The following DNAH7 variants were observed in gnomAD, a reference collection of about 807,000 sequenced individuals.
DNAH7 encodes the protein dynein axonemal heavy chain 7.
Under a neutral mutation model 444.6 loss-of-function variants are expected in DNAH7, and 397 were observed. The ratio of observed to expected loss-of-function variants is 0.89; its 90% CI spans 0.82 to 0.97. The LOEUF (loss-of-function observed/expected upper bound fraction) is 0.97, where lower values mean the gene tolerates loss of function less well. Ranked by LOEUF, DNAH7 falls within the 50% of genes least tolerant of loss-of-function variation. DNAH7 has a pLI of 0.00. For missense variants in DNAH7, 4,902 were observed against 4,800.8 expected (o/e 1.02, Z -0.62); for synonymous variants, 1,636 against 1,624.4 (o/e 1.01, Z -0.17).
At chr2:195,915,922 A>C (rs1687646478) in intron 24 of DNAH7, among the ~76,000 whole-genome samples, 2 of 152,236 alleles carry the variant, frequency 1.3e-5, no homozygotes, top group Non-Finnish European at 2.9e-5. Context: ...CCACTTATAA[A>C]CTAATAGTTT....
rs557474924 is a variant in DNAH7 at position 195,768,622 on chromosome 2, C to T, written c.11433+3038G>A. On this transcript the variant is annotated intron_variant, in intron 61 of 64. Transcript: ENST00000312428. ...TACCAAGTTGTACTTCAAAGAGGTT[C>T]AACAATTTACATTTCCAATAACACA... 1.9e-4 allele frequency among the ~76,000 whole-genome samples: 29 copies of T among 152,108 alleles called. No individual in the cohort carries two copies. In the South Asian group the frequency reaches 5.4e-3, roughly 28 times the overall value.
At chr2:195,823,013 C>T (rs1326706331) in intron 49 of DNAH7, among the ~76,000 whole-genome samples, 1 of 152,142 alleles carries the variant, frequency 6.6e-6, no homozygotes, top group East Asian at 1.9e-4. Flanking sequence ...TTATTATTCT[C>T]ATTTGACAGA....
At chr2:195,965,332 G>A (rs1045680696) in intron 17 of DNAH7, among the ~76,000 whole-genome samples, 1 of 152,162 alleles carries the variant, frequency 6.6e-6, no homozygotes, top group African/African-American at 2.4e-5. Context: ...TGATCATGAT[G>A]AATGATGTTT....
chr2:195,867,395 C>T (rs573245887), intron 40 of DNAH7, among the ~76,000 whole-genome samples: 3 of 152,138 alleles, frequency 2.0e-5, no homozygotes, highest in Non-Finnish European at 4.4e-5. Context: ...GTAATTTGTG[C>T]TTTGAATTTA....
rs527730330 is a variant in DNAH7, at chr2:195,960,690, A to G, written c.2461T>C (p.Leu821=). The part of the protein sequence containing the change: ...EKTFHDSPYA[L]AMTKKVRSKV... Reference sequence around the variant, plus strand: ...GATCTTACTTTTTTTGTCATTGCCAATGCATATGGAGAATCATGAAAGGTT... The same window carrying G: ...GATCTTACTTTTTTTGTCATTGCCAGTGCATATGGAGAATCATGAAAGGTT... Residue 821 remains leucine (L), a synonymous_variant, in exon 18 of 65, where the codon TTG becomes CTG. Coordinates refer to ENST00000312428, the MANE Select transcript of DNAH7 (RefSeq NM_018897.3). 1.2e-5 allele frequency: 20 copies of G among 1,614,186 alleles called. No individual in the cohort carries two copies. Among genetic ancestry groups the G allele is most frequent in the South Asian group, 7.7e-5 (7 of 91,078 alleles).
chr2:195,936,647 G>A lies in DNAH7; in HGVS notation c.3224C>T (p.Ser1075Phe), dbSNP rs1689071529. 3 of 1,605,454 alleles carry A rather than the reference G, an allele frequency of 1.9e-6. No homozygotes were observed. Among genetic ancestry groups the A allele is most frequent in the Non-Finnish European group, 2.5e-6 (3 of 1,177,414 alleles). Residue 1075 changes from serine to phenylalanine, a missense_variant, in exon 20 of 65, where the codon TCC becomes TTC. By Grantham distance (155) the Ser-to-Phe change is radical (BLOSUM62 -2). Coordinates refer to ENST00000312428, the MANE Select transcript of DNAH7 (RefSeq NM_018897.3). The stretch of plus-strand genomic sequence containing the variant: ...TAGTATCTCAAGAAGTTCATCATTG[G>A]ACAAAAAAAAGAATCTGGGGAAAAA... Reference protein sequence around the residue: ...RLFFPRFFFLSNDELLEILSE... With the variant: ...RLFFPRFFFLFNDELLEILSE...
chr2:195,767,053 CTTTAT>C (rs528937433), intron 61 of DNAH7, among the ~76,000 whole-genome samples: 3 of 151,784 alleles, frequency 2.0e-5, no homozygotes, highest in African/African-American at 4.8e-5. Flanking sequence ...ATTAATTTGT[CTTTAT>C]TTTATTATGC....
intron 20 of DNAH7, among the ~76,000 whole-genome samples, chr2:195,935,937 AAG>A (rs1689019794): frequency 1.3e-5 from 2 of 152,184 alleles, no homozygotes; most frequent in South Asian, 4.1e-4. Flanking sequence ...AGTGAGCAAG[AAG>A]ACTAGTAGGA....
chr2:196,013,051 C>A, intron 9 of DNAH7, 145 bp from the exon 10 acceptor site: 1 of 513,256 alleles, frequency 1.9e-6, no homozygotes, highest in Non-Finnish European at 3.1e-6. Flanking sequence ...TTAAAGAACA[C>A]AAGATATTCT....
chr2:196,011,929 T>C (rs1559333281), intron 10 of DNAH7, among the ~76,000 whole-genome samples: 3 of 152,200 alleles, frequency 2.0e-5, no homozygotes, highest in East Asian at 1.9e-4. Flanking sequence ...TAATTAATTA[T>C]GGGTTTTCAT....
chr2:195,956,663 A>G (rs894228042), intron 19 of DNAH7, among the ~76,000 whole-genome samples: 20 of 147,730 alleles, frequency 1.4e-4, no homozygotes, highest in African/African-American at 4.9e-4. Context: ...AAAAAAAAAA[A>G]AGTCTTCTGA....
At chr2:195,796,176 G>C (rs950989211) in intron 56 of DNAH7, among the ~76,000 whole-genome samples, 3 of 152,234 alleles carry the variant, frequency 2.0e-5, no homozygotes, top group African/African-American at 7.2e-5. Flanking sequence ...TTAAAGAAAA[G>C]TGACATTCTG....
rs1447512608 is a variant in DNAH7, at chr2:195,858,708, T to C, written c.7833A>G (p.Ala2611=). The change falls in exon 43 of 65, where the codon GCA becomes GCG. Residue 2611 remains alanine, a synonymous_variant. Coordinates refer to ENST00000312428, the MANE Select transcript of DNAH7 (RefSeq NM_018897.3). ...TAGCAACTTTTAATTGAGGATGTAG[T>C]GCCTCCAACTCCATCTGCATTGTGG... The part of the protein sequence containing the change: ...QVATMQMELE[A]LHPQLKVASK... 2.5e-6 allele frequency: 4 copies of C among 1,614,086 alleles called. No homozygotes were observed. The highest frequency in any genetic ancestry group is 1.7e-5 in the Admixed American group (1 of 59,988).
At chr2:195,950,883 A>C (rs1690204377) in intron 19 of DNAH7, among the ~76,000 whole-genome samples, 4 of 133,884 alleles carry the variant, frequency 3.0e-5, no homozygotes, top group Non-Finnish European at 4.9e-5. Context: ...AAAAAAACCC[A>C]GCTCCTGGAT....
intron 34 of DNAH7, 133 bp downstream of exon 34, chr2:195,886,008 C>G (rs1280547981): frequency 1.9e-6 from 2 of 1,074,464 alleles, no homozygotes; most frequent in Non-Finnish European, 2.6e-6. Context: ...GCTCTTTGCT[C>G]ATTCTTCAGC....
At chr2:195,858,829 G>A in intron 42 of DNAH7, 25 bp from the exon 43 acceptor site, 1 of 1,567,174 alleles carries the variant, frequency 6.4e-7, no homozygotes, top group Non-Finnish European at 8.6e-7. Flanking sequence ...ATAAAACAAA[G>A]TTAATCATGA....
At chr2:196,068,427 G>T (rs1698550044) in intron 1 of DNAH7, 2 of 511,662 alleles carry the variant, frequency 3.9e-6, no homozygotes, top group Non-Finnish European at 6.9e-6. Flanking sequence ...CACTCTGGGG[G>T]TGCTCTGGGC....
At chr2:196,013,371 G>T (rs1267364997) in intron 9 of DNAH7, among the ~76,000 whole-genome samples, 1 of 151,858 alleles carries the variant, frequency 6.6e-6, no homozygotes, top group Non-Finnish European at 1.5e-5. Flanking sequence ...AGCCTGTCTG[G>T]TTTTTTTTAA....
chr2:195,776,596 G>A (rs1175390139), intron 59 of DNAH7, among the ~76,000 whole-genome samples: 2 of 151,844 alleles, frequency 1.3e-5, no homozygotes, highest in Admixed American at 6.6e-5. Context: ...GTCATATTTT[G>A]CTGATGATTA....
Sources: gnomAD v4.1 joint callset for allele counts (sites outside exome capture counted in the v4.1 genomes callset) on GRCh38, gnomAD v4.1.1 for gene constraint, MANE v1.5 for transcripts, NCBI Gene and HGNC (gene_info 2026-07-23, HGNC 2026-07-21) for gene names.